The following GPM6B variants were observed in gnomAD, a reference collection of about 807,000 sequenced individuals.
The protein encoded by GPM6B is neuronal membrane glycoprotein M6-b.
GPM6B carries 4 observed loss-of-function variants against 27.2 expected under a neutral mutation model. That is an observed-to-expected ratio of 0.15 (90% CI 0.07 to 0.34). The LOEUF (loss-of-function observed/expected upper bound fraction) is 0.34. GPM6B is among the 10% of genes least tolerant of loss of function. The pLI is 1.00. For missense variants in GPM6B, 183 were observed against 261.9 expected, an observed-to-expected ratio of 0.70 and a Z score of 2.08; for synonymous variants, 124 against 103.1, an observed-to-expected ratio of 1.20 and a Z score of -1.23.
chrX:13,906,109 T>C, intron 1 of GPM6B, among the ~76,000 whole-genome samples: 1 of 112,462 alleles, frequency 8.9e-6, no homozygotes, highest in South Asian at 3.7e-4. Flanking sequence ...AAGTGAAGGC[T>C]TCTTCTTTTG....
Position 13,909,928 on chromosome X carries a change from TCCCCTTAGATTCACTCATCTTTCCCTC to T in GPM6B, c.-198+28372_-198+28398del, listed in dbSNP as rs1458068248. 3.6e-5 allele frequency among the ~76,000 whole-genome samples: 4 copies of T among 111,906 alleles called. No individual in the cohort carries two copies. The South Asian group carries it at 1.1e-3, about 32-fold the overall frequency. ...TTTAAAGTAACTAAAAGGTTTGCCT[TCCCCTTAGATTCACTCATCTTTCCCTC>T]CTACCCGTCAATAAGGCCTTTGGCA... On this transcript the variant is annotated intron_variant, in intron 1 of 6. Transcript: ENST00000398361.
At position 13,783,207 on chromosome X, in the gene GPM6B, T is replaced by C. The variant is rs148348995; in HGVS notation, c.525+158A>G. On this transcript the variant is annotated intron_variant, in intron 4 of 7. Coordinates refer to ENST00000316715, the MANE Select transcript of GPM6B (RefSeq NM_001001995.3). Reference sequence around the variant, plus strand: ...TTACTATCAATAGCATGTTGAAGGTTTTTATAGTCCTAACTCTAAATTGGT... The same window carrying C: ...TTACTATCAATAGCATGTTGAAGGTCTTTATAGTCCTAACTCTAAATTGGT... 1.8e-3 allele frequency among the ~76,000 whole-genome samples: 204 copies of C among 112,528 alleles called. 1 individual carries two copies. Among genetic ancestry groups the C allele is most frequent in the African/African-American group, 5.8e-3 (181 of 30,971 alleles).
intron 1 of GPM6B, among the ~76,000 whole-genome samples, chrX:13,879,567 A>G (rs770715638): frequency 7.1e-5 from 8 of 112,330 alleles, no homozygotes; most frequent in Non-Finnish European, 1.5e-4. Context: ...GCATCCAACA[A>G]AAGAACCTAA....
chrX:13,804,338 A>AACT lies in GPM6B; in HGVS notation c.181+3309_181+3311dup, dbSNP rs1179784226. 4.8e-5 allele frequency among the ~76,000 whole-genome samples: 5 copies of AACT among 103,444 alleles called. No homozygotes were observed. The East Asian group carries it at 1.3e-3, about 26-fold the overall frequency. 89.8% of individuals were successfully genotyped at this position (103,444 alleles called of 115,157 possible). On this transcript the variant is annotated intron_variant, in intron 2 of 7. Transcript: ENST00000316715. The stretch of plus-strand genomic sequence containing the variant: ...TGCCACTGACTGGAGACTTAGCATG[A>AACT]ACTACTCCCTGCTTCATCGCTTGCC...
rs760761518 is a variant in GPM6B at position 13,771,819 on chromosome X, AAGATTT to A, written c.*1056_*1061del. The stretch of plus-strand genomic sequence containing the variant: ...TCAAACTTTATTATTCCAGGAAACT[AAGATTT>A]AGATAAGAAAAAAATGAAATACCAA... On this transcript the variant is annotated 3_prime_UTR_variant, in exon 8 of 8. Coordinates refer to ENST00000316715, the MANE Select transcript of GPM6B (RefSeq NM_001001995.3). The A allele has an allele frequency of 4.3e-4, 48 of 112,542 alleles. No individual in the cohort carries two copies. Among genetic ancestry groups the A allele is most frequent in the Non-Finnish European group, 7.5e-4 (40 of 53,204 alleles). 9.3% of individuals were successfully genotyped at this position (112,542 alleles called of 1,213,427 possible). A position where few individuals can be genotyped will look rare whatever the true frequency, so the allele number is the denominator to read the frequency against.
chrX:13,931,426 T>G, intron 1 of GPM6B, among the ~76,000 whole-genome samples: 1 of 108,482 alleles, frequency 9.2e-6, no homozygotes, highest in South Asian at 4.0e-4. Context: ...AGGCAGAGCT[T>G]GCAGTGAGCC....
chrX:13,780,242 CTT>C (rs778073756), intron 4 of GPM6B, among the ~76,000 whole-genome samples: 2 of 111,437 alleles, frequency 1.8e-5, no homozygotes, highest in South Asian at 7.6e-4. Context: ...TCGGGTCACT[CTT>C]AACTAACAAG....
chrX:13,890,944 G>C (rs1426936639), intron 1 of GPM6B, among the ~76,000 whole-genome samples: 1 of 110,644 alleles, frequency 9.0e-6, no homozygotes, highest in Non-Finnish European at 1.9e-5. Flanking sequence ...ACCATCTGAG[G>C]CGTTTAAAAA....
chrX:13,869,425 C>T (rs1263794350), intron 1 of GPM6B, among the ~76,000 whole-genome samples: 3 of 109,704 alleles, frequency 2.7e-5, no homozygotes, highest in Middle Eastern at 4.8e-3. Context: ...TGGTGCAACC[C>T]TGTAAATATT....
intron 1 of GPM6B, among the ~76,000 whole-genome samples, chrX:13,862,889 GT>G (rs1161782820): frequency 9.3e-6 from 1 of 108,099 alleles, no homozygotes; most frequent in African/African-American, 3.4e-5. Context: ...TAGAGATGGG[GT>G]TTTGCTACAT....
intron 1 of GPM6B, among the ~76,000 whole-genome samples, chrX:13,893,787 C>T (rs2050208414): frequency 8.9e-6 from 1 of 112,543 alleles, no homozygotes; most frequent in Non-Finnish European, 1.9e-5. Context: ...GGGAAGCCTT[C>T]CACAGATCTG....
chrX:13,814,367 T>C (rs1168800178), intron 1 of GPM6B, among the ~76,000 whole-genome samples: 1 of 111,696 alleles, frequency 9.0e-6, no homozygotes, highest in East Asian at 2.8e-4. Flanking sequence ...AAAAAAAATA[T>C]ATATGTGCAT....
chrX:13,826,653 G>T (rs767696466), intron 1 of GPM6B, among the ~76,000 whole-genome samples: 1 of 110,961 alleles, frequency 9.0e-6, no homozygotes, highest in East Asian at 2.8e-4. Context: ...TGAGAAGATC[G>T]CATGAGCCCA....
chrX:13,909,384 TCCC>T (rs1221211056), intron 1 of GPM6B, among the ~76,000 whole-genome samples: 1 of 110,948 alleles, frequency 9.0e-6, no homozygotes. Context: ...CACCTAGGCC[TCCC>T]AAAGTGCTGG....
chrX:13,803,625 C>T (rs1227012188), intron 2 of GPM6B, among the ~76,000 whole-genome samples: 1 of 112,020 alleles, frequency 8.9e-6, no homozygotes, highest in East Asian at 2.8e-4. Context: ...ATTCTTAGTC[C>T]ACTAAAAATG....
intron 1 of GPM6B, among the ~76,000 whole-genome samples, chrX:13,929,566 T>A (rs1183803877): frequency 2.7e-5 from 3 of 112,368 alleles, no homozygotes; most frequent in Admixed American, 1.9e-4. Flanking sequence ...ACTCAGATTT[T>A]ATGATATTGT....
At chrX:13,793,543 G>T (rs1407623378) in intron 2 of GPM6B, among the ~76,000 whole-genome samples, 2 of 112,064 alleles carry the variant, frequency 1.8e-5, no homozygotes, top group African/African-American at 6.5e-5. Flanking sequence ...CCTGCTCTAA[G>T]GTTACAATAC....
intron 1 of GPM6B, among the ~76,000 whole-genome samples, chrX:13,823,239 G>A (rs761168795): frequency 1.4e-4 from 16 of 112,431 alleles, no homozygotes; most frequent in Middle Eastern, 4.6e-3. Flanking sequence ...GTAAAGCTAC[G>A]TGAACTATAA....
upstream of GPM6B, chrX:13,817,389 T>C (rs186628095): frequency 2.2e-4 from 164 of 746,746 alleles, 2 homozygotes; most frequent in East Asian, 0.017. Flanking sequence ...CAGGAAAAAA[T>C]AGATTTGTGA....
Sources: allele counts gnomAD v4.1 joint callset (sites outside exome capture counted in the v4.1 genomes callset), GRCh38; gene constraint gnomAD v4.1.1; transcripts MANE v1.5; gene names NCBI Gene and HGNC (gene_info 2026-07-23, HGNC 2026-07-21).